Variants in CCDC192 observed in about 807,000 individuals in gnomAD.
CCDC192 encodes the protein coiled-coil domain-containing protein 192.
At chr5:127,709,920 G>T (rs543572789) in intron 2 of CCDC192, among the ~76,000 whole-genome samples, 1 of 152,162 alleles carries the variant, frequency 6.6e-6, no homozygotes, top group South Asian at 2.1e-4. Context: ...TGTCTTCTAA[G>T]GATGCTAATC....
chr5:127,816,264 A>G (rs1160354063), intron 5 of CCDC192, among the ~76,000 whole-genome samples: 3 of 152,200 alleles, frequency 2.0e-5, no homozygotes, highest in Non-Finnish European at 4.4e-5. Flanking sequence ...AAAGCTTTTT[A>G]GAGGGAATTT....
chr5:127,766,780 C>G (rs545197975), intron 3 of CCDC192, among the ~76,000 whole-genome samples: 20 of 152,252 alleles, frequency 1.3e-4, no homozygotes, highest in African/African-American at 4.6e-4. Context: ...CATCTCTATT[C>G]CTCTGTTCTC....
Position 127,903,253 on chromosome 5 carries a change from T to A in CCDC192, c.535+27592T>A, listed in dbSNP as rs1330622019. Among the ~76,000 whole-genome samples the A allele has an allele frequency of 2.0e-5, 3 of 152,062 alleles. No individual in the cohort carries two copies. The East Asian group carries it at 5.8e-4, about 29-fold the overall frequency. On this transcript the variant is annotated intron_variant, in intron 6 of 6. Transcript: ENST00000514853. ...TTCTTTTGGAGGAATTTTTTTTTTT[T>A]TTTTTTAGATGCAGTTTTTGGTCTT...
intron 5 of CCDC192, among the ~76,000 whole-genome samples, chr5:127,858,735 A>AG (rs1751218953): frequency 6.6e-6 from 1 of 152,228 alleles, no homozygotes; most frequent in South Asian, 2.1e-4. Flanking sequence ...AAGAGAAGCA[A>AG]GGCCCAGTCA....
intron 2 of CCDC192, among the ~76,000 whole-genome samples, chr5:127,726,920 C>G (rs971789324): frequency 6.6e-6 from 1 of 152,212 alleles, no homozygotes; most frequent in African/African-American, 2.4e-5. Context: ...GTAAGCAAGT[C>G]TTTGATCCCA....
intron 6 of CCDC192, among the ~76,000 whole-genome samples, chr5:127,916,046 C>A (rs1753511956): frequency 6.6e-6 from 1 of 152,210 alleles, no homozygotes; most frequent in Non-Finnish European, 1.5e-5. Context: ...TGAAGTCGGT[C>A]CTCTCAGAAC....
chr5:127,888,075 C>A (rs1752621825), intron 6 of CCDC192, among the ~76,000 whole-genome samples: 1 of 151,790 alleles, frequency 6.6e-6, no homozygotes, highest in Non-Finnish European at 1.5e-5. Flanking sequence ...TTTTAATTTT[C>A]AATTTTTAAT....
At chr5:127,937,752 A>G (rs1173352764) in intron 6 of CCDC192, among the ~76,000 whole-genome samples, 4 of 152,158 alleles carry the variant, frequency 2.6e-5, no homozygotes, top group African/African-American at 9.7e-5. Flanking sequence ...TGCCTATGCA[A>G]TGCCGCTTCG....
rs960909264 is a variant in CCDC192 at position 127,707,732 on chromosome 5, C to G, written c.86C>G (p.Ser29Ter). 1 of 398,276 alleles carries G rather than the reference C, an allele frequency of 2.5e-6. No individual in the cohort carries two copies. Among genetic ancestry groups the G allele is most frequent in the African/African-American group, 2.1e-5 (1 of 48,564 alleles). 24.7% of individuals were successfully genotyped at this position (398,276 alleles called of 1,614,324 possible). A position where few individuals can be genotyped will look rare whatever the true frequency, so the allele number is the denominator to read the frequency against. ...RSSMTSGSSE[S>*]DIPQENKVSK... ...AGCATGACGTCTGGAAGTTCAGAGT[C>G]AGATATACCACAAGAAAACAAAGTA... is the stretch of plus-strand genomic sequence containing the variant. Residue 29 changes from serine (S) to a stop codon, truncating the protein, a stop_gained, in exon 2 of 7, where the codon TCA (serine) becomes TGA (stop). Transcript: ENST00000514853. LOFTEE classifies it high-confidence loss of function.
chr5:127,941,121 C>G, intron 6 of CCDC192, 61 bp from the exon 7 acceptor site: 1 of 398,816 alleles, frequency 2.5e-6, no homozygotes, highest in East Asian at 3.6e-5. Context: ...TTTTTCCTTG[C>G]TTTGACTTCT....
chr5:127,730,599 C>G (rs530451770), intron 2 of CCDC192, among the ~76,000 whole-genome samples: 23 of 152,260 alleles, frequency 1.5e-4, no homozygotes, highest in African/African-American at 5.3e-4. Flanking sequence ...CCCTAATGAA[C>G]ATTGATGCAA....
At chr5:127,857,080 C>T (rs1751134132) in intron 5 of CCDC192, among the ~76,000 whole-genome samples, 1 of 152,130 alleles carries the variant, frequency 6.6e-6, no homozygotes, top group African/African-American at 2.4e-5. Flanking sequence ...CATAATAAAA[C>T]AAAATATGCC....
chr5:127,704,115 G>A (rs1750828407), intron 1 of CCDC192, among the ~76,000 whole-genome samples: 1 of 152,216 alleles, frequency 6.6e-6, no homozygotes, highest in Non-Finnish European at 1.5e-5. Context: ...CTCTGTAGCA[G>A]GAGCTACATC....
chr5:127,741,589 T>C (rs1580572085), intron 2 of CCDC192, among the ~76,000 whole-genome samples: 1 of 151,958 alleles, frequency 6.6e-6, no homozygotes, highest in East Asian at 1.9e-4. Flanking sequence ...TTCAAAGGAG[T>C]CTCTGTTGCT....
intron 3 of CCDC192, among the ~76,000 whole-genome samples, chr5:127,766,608 TAAAA>T (rs548715145): frequency 6.1e-4 from 60 of 98,972 alleles, no homozygotes; most frequent in East Asian, 4.1e-3. Context: ...ACGTCCTGTG[TAAAA>T]AAAAAAAAAA....
intron 6 of CCDC192, among the ~76,000 whole-genome samples, chr5:127,885,360 G>C (rs1752525842): frequency 6.6e-6 from 1 of 152,154 alleles, no homozygotes; most frequent in African/African-American, 2.4e-5. Flanking sequence ...GAACAGTCTT[G>C]GGCACTCCTT....
chr5:127,935,371 C>T (rs1754159778), intron 6 of CCDC192: 2 of 152,198 alleles, frequency 1.3e-5, no homozygotes, highest in African/African-American at 4.8e-5. Context: ...TAGATCAGTG[C>T]TTCTCAGCAT....
chr5:127,823,038 T>C (rs1438002420), intron 5 of CCDC192, among the ~76,000 whole-genome samples: 1 of 152,132 alleles, frequency 6.6e-6, no homozygotes, highest in Non-Finnish European at 1.5e-5. Flanking sequence ...CACATTACTC[T>C]CTGATGAAGA....
At chr5:127,834,650 A>G (rs1423584778) in intron 5 of CCDC192, among the ~76,000 whole-genome samples, 1 of 152,248 alleles carries the variant, frequency 6.6e-6, no homozygotes, top group African/African-American at 2.4e-5. Flanking sequence ...TCTCACCAGC[A>G]GAATTTTTTA....
Sources: gnomAD v4.1 joint callset for allele counts (sites outside exome capture counted in the v4.1 genomes callset) on GRCh38, gnomAD v4.1.1 for gene constraint, MANE v1.5 for transcripts, NCBI Gene and HGNC (gene_info 2026-07-23, HGNC 2026-07-21) for gene names.